Variants in DIP2C observed in about 807,000 individuals in gnomAD.
DIP2C encodes the protein DIP2 acetate--CoA ligase C (putative).
Under a neutral mutation model 192.4 loss-of-function variants are expected in DIP2C, and 33 were observed. That is an observed-to-expected ratio of 0.17 (90% confidence interval 0.13 to 0.23). The LOEUF (loss-of-function observed/expected upper bound fraction) is 0.23, where lower values mean the gene tolerates loss of function less well. Among genes scored for constraint, DIP2C ranks in the 10% least tolerant of loss-of-function variants. The pLI is 1.00. For missense variants in DIP2C, 1,537 were observed against 2,110.1 expected, an observed-to-expected ratio of 0.73 and a Z score of 5.32; for synonymous variants, 979 against 864.1, an observed-to-expected ratio of 1.13 and a Z score of -2.33.
intron 1 of DIP2C, chr10:630,717 G>T (rs1180544003): frequency 6.6e-6 from 1 of 152,322 alleles, no homozygotes; most frequent in Non-Finnish European, 1.5e-5. Context: ...CAGGTGGCAG[G>T]AGGGAGTCTT....
In DIP2C at chr10:337,955, C is replaced by CGT. The variant is rs554936668; in HGVS notation, c.3584+3242_3584+3243dup. On this transcript the variant is annotated intron_variant, in intron 29 of 36. Coordinates refer to ENST00000280886, the MANE Select transcript of DIP2C (RefSeq NM_014974.3). ...TGTGTGCTGTGGAGGCCTAGACAGT[C>CGT]GTGTGTGTGTGTGCGTGTGTGTGTG... Among the ~76,000 whole-genome samples, 566 of 122,518 alleles carry CGT rather than the reference C, an allele frequency of 4.6e-3. 6 individuals are homozygous for CGT. Among genetic ancestry groups the CGT allele is most frequent in the African/African-American group, 0.017 (538 of 30,908 alleles). 80.4% of individuals were successfully genotyped at this position (122,518 alleles called of 152,430 possible).
At chr10:528,150 C>T (rs1311058095) in intron 1 of DIP2C, among the ~76,000 whole-genome samples, 1 of 152,152 alleles carries the variant, frequency 6.6e-6, no homozygotes, top group Non-Finnish European at 1.5e-5. Flanking sequence ...GAGAGAAAAC[C>T]TCCTTGGTTC....
At chr10:337,029 GTGTT>G (rs1564574605) in intron 29 of DIP2C, among the ~76,000 whole-genome samples, 9 of 76,674 alleles carry the variant, frequency 1.2e-4, no homozygotes, top group East Asian at 4.5e-4. Context: ...GTGTGTGTGT[GTGTT>G]GTGGAGGCCT....
chr10:526,911 T>G (rs956361100), intron 1 of DIP2C, among the ~76,000 whole-genome samples: 7 of 152,222 alleles, frequency 4.6e-5, no homozygotes, highest in Admixed American at 4.6e-4. Context: ...GCCCTCCGCC[T>G]GTCCAGGTGC....
chr10:415,912 G>T (rs746987214), intron 6 of DIP2C, 24 bp from the exon 7 acceptor site: 2 of 1,613,242 alleles, frequency 1.2e-6, no homozygotes, highest in Non-Finnish European at 1.7e-6. Context: ...ATCAGCGGGT[G>T]GGGAAAGCGA....
At chr10:443,237 G>A (rs1467769544) in intron 3 of DIP2C, among the ~76,000 whole-genome samples, 1 of 152,162 alleles carries the variant, frequency 6.6e-6, no homozygotes, top group African/African-American at 2.4e-5. Context: ...AGCATCCACT[G>A]ATGATTTCCT....
At chr10:568,765 C>CAA (rs1206501677) in intron 1 of DIP2C, among the ~76,000 whole-genome samples, 3,158 of 37,834 alleles carry the variant, frequency 0.083, 1,048 homozygotes, top group East Asian at 0.12. Flanking sequence ...AACTCCGTCT[C>CAA]AAAAAAAAAA....
intron 2 of DIP2C, among the ~76,000 whole-genome samples, chr10:481,593 A>T (rs1313026334): frequency 6.6e-6 from 1 of 152,256 alleles, no homozygotes; most frequent in Non-Finnish European, 1.5e-5. Context: ...TTCAGTCATT[A>T]ATTAGCCCTT....
At chr10:591,873 G>C (rs1851423318) in intron 1 of DIP2C, among the ~76,000 whole-genome samples, 1 of 152,234 alleles carries the variant, frequency 6.6e-6, no homozygotes, top group Non-Finnish European at 1.5e-5. Context: ...CAGAGGGGAA[G>C]ACAGCGGCGG....
At chr10:340,368 GA>G (rs1958084668) in intron 29 of DIP2C, among the ~76,000 whole-genome samples, 1 of 151,824 alleles carries the variant, frequency 6.6e-6, no homozygotes, top group Non-Finnish European at 1.5e-5. Flanking sequence ...AAAAAGGGGG[GA>G]AAGCAGGCGG....
chr10:344,993 A>G lies in DIP2C; in HGVS notation c.3343+6T>C. 2 of 1,611,620 alleles carry G rather than the reference A, an allele frequency of 1.2e-6. No individual in the cohort carries two copies. The highest frequency in any genetic ancestry group is 1.7e-6 in the Non-Finnish European group (2 of 1,179,328). ...GCAAACCACCTTCTGCAGCTAAAGC[A>G]CCAACCTGTGTCCAGGATGAGGGGC... On this transcript the variant is annotated splice_donor_region_variant and intron_variant, in intron 27 of 36. Coordinates refer to ENST00000280886, the MANE Select transcript of DIP2C (RefSeq NM_014974.3).
chr10:501,383 TTA>T (rs951380228), intron 1 of DIP2C, among the ~76,000 whole-genome samples: 73 of 152,310 alleles, frequency 4.8e-4, no homozygotes, highest in African/African-American at 1.7e-3. Context: ...CATTGATACA[TTA>T]TGAGTAGAAC....
At chr10:461,113 C>T (rs1424339203) in intron 3 of DIP2C, among the ~76,000 whole-genome samples, 5 of 152,176 alleles carry the variant, frequency 3.3e-5, no homozygotes, top group African/African-American at 1.2e-4. Flanking sequence ...ATTGTAAAGA[C>T]CACTGACACT....
chr10:285,401 G>C (rs928512689), intron 34 of DIP2C, among the ~76,000 whole-genome samples: 3 of 152,170 alleles, frequency 2.0e-5, no homozygotes, highest in African/African-American at 7.2e-5. Flanking sequence ...TCATGGGACA[G>C]GACAGGTGAT....
At chr10:359,522 C>T (rs75187032) in intron 22 of DIP2C, among the ~76,000 whole-genome samples, 4,808 of 152,258 alleles carry the variant, frequency 0.032, 204 homozygotes, top group African/African-American at 0.1. Flanking sequence ...TGAATTTTCA[C>T]GTCGTAGTTG....
chr10:385,194 G>A (rs181837432), intron 14 of DIP2C, among the ~76,000 whole-genome samples: 17 of 151,538 alleles, frequency 1.1e-4, no homozygotes, highest in African/African-American at 3.4e-4. Context: ...CGGACACCGG[G>A]CTGCACAGGC....
chr10:315,098 A>G (rs550711145), intron 31 of DIP2C, among the ~76,000 whole-genome samples: 1 of 152,264 alleles, frequency 6.6e-6, no homozygotes, highest in East Asian at 1.9e-4. Context: ...ATTGCATTCT[A>G]TCTTCACACA....
At chr10:548,922 A>AAAAAAAAAAAAAAAAAAAAAAAAAAAAG (rs1431310104) in intron 1 of DIP2C, among the ~76,000 whole-genome samples, 1 of 146,968 alleles carries the variant, frequency 6.8e-6, no homozygotes. Context: ...AAAAAAAAAA[A>AAAAAAAAAAAAAAAAAAAAAAAAAAAAG]AAAAAAAAAA....
chr10:414,363 A>T (rs1012978699), intron 7 of DIP2C, among the ~76,000 whole-genome samples: 2 of 152,152 alleles, frequency 1.3e-5, no homozygotes, highest in African/African-American at 2.4e-5. Context: ...CTGCAAACTG[A>T]TAACAGGTGG....
Sources: allele counts gnomAD v4.1 joint callset (sites outside exome capture counted in the v4.1 genomes callset), GRCh38; gene constraint gnomAD v4.1.1; transcripts MANE v1.5; gene names NCBI Gene and HGNC (gene_info 2026-07-23, HGNC 2026-07-21).